MIA2: variants seen among roughly 807,000 people sequenced by gnomAD.
MIA2 encodes the protein MIA SH3 domain ER export factor 2.
In MIA2, 127 loss-of-function variants were observed where a neutral mutation model predicts 167.8. The ratio of observed to expected loss-of-function variants is 0.76; its 90% CI spans 0.66 to 0.88. The LOEUF is 0.88. Among genes scored for constraint, MIA2 ranks in the 40% least tolerant of loss-of-function variants. The pLI is 0.00. For synonymous variants in MIA2, 552 were observed against 541.9 expected, an observed-to-expected ratio of 1.02 and a Z score of -0.26; for missense variants, 1,690 against 1,624.7, an observed-to-expected ratio of 1.04 and a Z score of -0.69.
intron 9 of MIA2, among the ~76,000 whole-genome samples, chr14:39,285,610 G>A (rs1205055805): frequency 5.2e-5 from 1 of 19,318 alleles, no homozygotes; most frequent in Non-Finnish European, 1.5e-4. Context: ...CTGGCCGGGC[G>A]GGGGCTGCCC....
chr14:39,341,140 A>G (rs1036723501), intron 25 of MIA2, among the ~76,000 whole-genome samples: 24 of 151,974 alleles, frequency 1.6e-4, no homozygotes, highest in African/African-American at 4.6e-4. Context: ...CGTCTCTACT[A>G]AAAATACAAA....
In MIA2 at chr14:39,347,947, G is replaced by T. The variant is rs569440987; in HGVS notation, c.3837+176G>T. On this transcript the variant is annotated intron_variant, in intron 27 of 28. Transcript: ENST00000640607. ...CCTGCCTCAGCCTCCTGAGTAGCTG[G>T]GACTACAGGCGTGTGCCACCACACC... Among the ~76,000 whole-genome samples, 3 of 151,798 alleles carry T rather than the reference G, an allele frequency of 2.0e-5. No individual in the cohort carries two copies. The South Asian group carries it at 6.3e-4, about 32-fold the overall frequency.
At chr14:39,334,143 A>G (rs969563992) in intron 25 of MIA2, among the ~76,000 whole-genome samples, 7 of 143,094 alleles carry the variant, frequency 4.9e-5, no homozygotes, top group African/African-American at 1.2e-4. Flanking sequence ...AAAATATTCT[A>G]TGTTTGCTCT....
At chr14:39,313,103 T>A (rs997229265) in intron 18 of MIA2, among the ~76,000 whole-genome samples, 1 of 152,104 alleles carries the variant, frequency 6.6e-6, no homozygotes, top group African/African-American at 2.4e-5. Context: ...TATAGAAAAC[T>A]CTTGAAACTA....
intron 27 of MIA2, 45 bp downstream of exon 27, chr14:39,347,816 T>TTA: frequency 1.7e-4 from 180 of 1,085,610 alleles, no homozygotes; most frequent in Non-Finnish European, 2.0e-4. Flanking sequence ...TTCAGAAGCC[T>TTA]TCTTTTTTTT....
intron 23 of MIA2, among the ~76,000 whole-genome samples, chr14:39,375,589 C>CA (rs2075029251): frequency 6.6e-6 from 1 of 152,132 alleles, no homozygotes; most frequent in Non-Finnish European, 1.5e-5. Context: ...CCCAGCTACT[C>CA]AGGAGGCCAA....
intron 1 of MIA2, among the ~76,000 whole-genome samples, chr14:39,234,480 C>T (rs1381960265): frequency 6.6e-6 from 1 of 151,844 alleles, no homozygotes; most frequent in Non-Finnish European, 1.5e-5. Context: ...ACTAGTCAGT[C>T]CTTTTACTAT....
downstream of MIA2, chr14:39,351,475 T>G (rs1385034529): frequency 6.6e-6 from 1 of 152,288 alleles, no homozygotes; most frequent in Non-Finnish European, 1.5e-5. Context: ...AAAATGTAAT[T>G]ACATTTAGTG....
chr14:39,267,756 C>T (rs147380961), intron 6 of MIA2, among the ~76,000 whole-genome samples: 4 of 152,346 alleles, frequency 2.6e-5, no homozygotes, highest in African/African-American at 7.2e-5. Context: ...GTGAAGAAAG[C>T]ACTTGCTTAG....
At chr14:39,287,392 A>T (rs1188565834) in intron 9 of MIA2, among the ~76,000 whole-genome samples, 1 of 151,400 alleles carries the variant, frequency 6.6e-6, no homozygotes, top group Non-Finnish European at 1.5e-5. Flanking sequence ...TACTGTTTTG[A>T]ATAGAAGTGG....
chr14:39,235,209 G>A (rs1291730943), intron 1 of MIA2, among the ~76,000 whole-genome samples: 1 of 151,670 alleles, frequency 6.6e-6, no homozygotes, highest in Non-Finnish European at 1.5e-5. Context: ...TTAATTTTTT[G>A]TATTTTAGTA....
rs142748503 is a variant in MIA2 at position 39,363,781 on chromosome 14, G to C, written c.2248+14804G>C. Among the ~76,000 whole-genome samples the C allele has an allele frequency of 1.8e-3, 274 of 152,216 alleles. 1 individual carries two copies. Among genetic ancestry groups the C allele is most frequent in the African/African-American group, 6.1e-3 (252 of 41,550 alleles). On this transcript the variant is annotated intron_variant, in intron 23 of 23. Transcript: ENST00000341502. ...TTTTGTAATGTTCTTCTTTGCCTCTGTATACTGTGTTTGACTTAAAGTCTG... is the reference window on the plus strand; with the variant it reads ...TTTTGTAATGTTCTTCTTTGCCTCTCTATACTGTGTTTGACTTAAAGTCTG...
At chr14:39,341,258 C>T (rs1236306258) in intron 25 of MIA2, among the ~76,000 whole-genome samples, 1 of 151,910 alleles carries the variant, frequency 6.6e-6, no homozygotes, top group African/African-American at 2.4e-5. Context: ...GCTGAGACCG[C>T]ACCGTTGCAC....
At position 39,303,513 on chromosome 14, in the gene MIA2, C is replaced by A; in HGVS notation, c.2776C>A (p.His926Asn). The change falls in exon 16 of 29, where the codon CAT becomes AAT. Residue 926 changes from histidine to asparagine, a missense_variant. Physicochemically the swap from His to Asn is moderately conservative, Grantham distance 68. Coordinates refer to ENST00000640607, the MANE Select transcript of MIA2 (RefSeq NM_001329214.4). Reference sequence around the variant, plus strand: ...AAAAGGAGCTTTGAAGAAACTGATTCATGCTGCTAAGGTTTGTGCTATTAG... The same window carrying A: ...AAAAGGAGCTTTGAAGAAACTGATTAATGCTGCTAAGGTTTGTGCTATTAG... The part of the protein sequence containing the change: ...PPKGALKKLI[H>N]AAKLNASLKT... 6.2e-6 allele frequency: 10 copies of A among 1,610,500 alleles called. No homozygotes were observed. Among genetic ancestry groups the A allele is most frequent in the Non-Finnish European group, 8.5e-6 (10 of 1,177,574 alleles).
rs867676721 is a variant in MIA2, at chr14:39,303,483, C to T, written c.2746C>T (p.Pro916Ser). Residue 916 changes from proline to serine, a missense_variant, in exon 16 of 29, where the codon CCT (proline) becomes TCT (serine). By Grantham distance (74) the Pro-to-Ser change is moderately conservative. Transcript: ENST00000640607. ...GCTTTTGATTTTCACTGTAGATAAT[C>T]CTCCAAAAGGAGCTTTGAAGAAACT... ...ESENGAYLDNPPKGALKKLIH... is the reference protein window; with the variant it reads ...ESENGAYLDNSPKGALKKLIH... The T allele has an allele frequency of 6.2e-7, 1 of 1,610,016 alleles. No homozygotes were observed. The highest frequency in any genetic ancestry group is 8.5e-7 in the Non-Finnish European group (1 of 1,177,310).
At chr14:39,351,621 T>G (rs145925979), downstream of MIA2, among the ~76,000 whole-genome samples, 1,293 of 152,256 alleles carry the variant, frequency 8.5e-3, 14 homozygotes, top group Non-Finnish European at 0.012. Context: ...ATTTGTGCCC[T>G]TATAAAAGAG....
In MIA2 at chr14:39,262,667, T is replaced by G. The variant is rs1164116666; in HGVS notation, c.1887+9496T>G. Among the ~76,000 whole-genome samples the G allele has an allele frequency of 2.6e-5, 4 of 152,380 alleles. No homozygotes were observed. The East Asian group carries it at 7.7e-4, about 29-fold the overall frequency. ...CATGAGCATGGAATGTTCTTCCATT[T>G]GTTTGTGTCCTCTTTTATTTCAATG... On this transcript the variant is annotated intron_variant, in intron 6 of 28. Coordinates refer to ENST00000640607, the MANE Select transcript of MIA2 (RefSeq NM_001329214.4).
intron 2 of MIA2, among the ~76,000 whole-genome samples, chr14:39,238,660 T>C (rs1323207928): frequency 6.6e-6 from 1 of 151,364 alleles, no homozygotes; most frequent in Non-Finnish European, 1.5e-5. Context: ...CCGGGTGTAG[T>C]AGTGCATGCC....
At position 39,300,821 on chromosome 14, in the gene MIA2, A is replaced by G. The variant is rs370217825; in HGVS notation, c.2619+835A>G. On this transcript the variant is annotated intron_variant, in intron 14 of 28. Coordinates refer to ENST00000640607, the MANE Select transcript of MIA2 (RefSeq NM_001329214.4). ...TCCCAGAACTTAAAATATAATAAAA[A>G]ATAGTATAAAGAAAGTGATACATTT... Among the ~76,000 whole-genome samples the G allele has an allele frequency of 4.6e-5, 7 of 152,144 alleles. No homozygotes were observed. The East Asian group carries it at 1.2e-3, about 25-fold the overall frequency.
Sources: allele counts gnomAD v4.1 joint callset (sites outside exome capture counted in the v4.1 genomes callset), GRCh38; gene constraint gnomAD v4.1.1; transcripts MANE v1.5; gene names NCBI Gene and HGNC (gene_info 2026-07-23, HGNC 2026-07-21).